Variants in TAMM41 observed in about 807,000 individuals in gnomAD.
TAMM41 encodes the protein TAM41 mitochondrial translocator assembly and maintenance homolog.
Under a neutral mutation model 44.1 loss-of-function variants are expected in TAMM41, and 36 were observed. The ratio of observed to expected loss-of-function variants is 0.82; its 90% confidence interval spans 0.63 to 1.08. The LOEUF (loss-of-function observed/expected upper bound fraction) is 1.08, where lower values mean the gene tolerates loss of function less well. TAMM41 is among the 50% of genes least tolerant of loss of function. The pLI is 0.00. For synonymous variants in TAMM41, 164 were observed against 153.1 expected (o/e 1.07, Z -0.53); for missense variants, 417 against 404.3 (o/e 1.03, Z -0.27).
intron 2 of TAMM41, among the ~76,000 whole-genome samples, chr3:11,841,836 T>G (rs1393059555): frequency 6.6e-6 from 1 of 152,208 alleles, no homozygotes; most frequent in Non-Finnish European, 1.5e-5. Flanking sequence ...GGGGACCTGT[T>G]GCAAACTAGC....
the TAMM41 span, among the ~76,000 whole-genome samples, chr3:11,765,230 C>T: frequency 6.6e-6 from 1 of 152,152 alleles, no homozygotes; most frequent in East Asian, 1.9e-4. Flanking sequence ...TGCTGGGTTC[C>T]AGGCTCTTAC....
chr3:11,817,081 T>G, intron 5 of TAMM41, 111 bp downstream of exon 5: 1 of 1,211,260 alleles, frequency 8.3e-7, no homozygotes, highest in Non-Finnish European at 1.1e-6. Context: ...AGTACTTACT[T>G]TTTAAACTAT....
rs2078902176 is a variant in TAMM41, at chr3:11,829,695, G to A, written c.562+19C>T. ...TAAATCTCTCCCTTGTAGAACATCT[G>A]GGCAGCAACCATACTAACCTGAATA... On this transcript the variant is annotated intron_variant, in intron 4 of 7. Transcript: ENST00000455809. The A allele has an allele frequency of 3.1e-6, 5 of 1,613,282 alleles. No homozygotes were observed. The highest frequency in any genetic ancestry group is 4.2e-6 in the Non-Finnish European group (5 of 1,179,378).
the TAMM41 span, among the ~76,000 whole-genome samples, chr3:11,752,533 T>G: frequency 6.6e-6 from 1 of 151,818 alleles, no homozygotes; most frequent in South Asian, 2.1e-4. Flanking sequence ...TTAGGGCATT[T>G]TACAATCCTC....
At chr3:11,773,680 T>C in the TAMM41 span, among the ~76,000 whole-genome samples, 2 of 152,260 alleles carry the variant, frequency 1.3e-5, no homozygotes, top group Non-Finnish European at 2.9e-5. Flanking sequence ...GTGATTTCAT[T>C]AATTTATAAC....
At chr3:11,749,610 T>C in the TAMM41 span, among the ~76,000 whole-genome samples, 35 of 152,336 alleles carry the variant, frequency 2.3e-4, 1 homozygote, top group East Asian at 6.7e-3. Flanking sequence ...TCAACACAAA[T>C]CAATTCCATA....
intron 4 of TAMM41, among the ~76,000 whole-genome samples, chr3:11,828,758 A>C (rs2078863771): frequency 6.6e-6 from 1 of 152,148 alleles, no homozygotes; most frequent in South Asian, 2.1e-4. Context: ...ATGGTAGATG[A>C]ATTTTGGGAA....
chr3:11,812,794 T>A (rs944636906), intron 5 of TAMM41, among the ~76,000 whole-genome samples: 1 of 152,148 alleles, frequency 6.6e-6, no homozygotes, highest in Non-Finnish European at 1.5e-5. Context: ...TGATGGTTAG[T>A]GGACAAGTGC....
intron 4 of TAMM41, among the ~76,000 whole-genome samples, chr3:11,818,001 T>C (rs1019483990): frequency 2.6e-5 from 4 of 152,176 alleles, no homozygotes; most frequent in South Asian, 2.1e-4. Flanking sequence ...AAATGAAAAG[T>C]GCCCTGCCAA....
intron 7 of TAMM41, among the ~76,000 whole-genome samples, chr3:11,797,661 T>C (rs1192312900): frequency 2.0e-5 from 3 of 151,978 alleles, no homozygotes; most frequent in Non-Finnish European, 4.4e-5. Context: ...ACTAAAGAGC[T>C]TCTGCGCAGC....
chr3:11,813,392 T>TC (rs2078151122), intron 5 of TAMM41, among the ~76,000 whole-genome samples: 1 of 152,038 alleles, frequency 6.6e-6, no homozygotes, highest in Non-Finnish European at 1.5e-5. Context: ...TAGCTGGGTG[T>TC]GATGGTGCAT....
At chr3:11,845,538 G>A (rs896330460) in intron 1 of TAMM41, among the ~76,000 whole-genome samples, 2 of 152,080 alleles carry the variant, frequency 1.3e-5, no homozygotes, top group African/African-American at 2.4e-5. Context: ...GAATAAACAT[G>A]TTTTTTAAAA....
chr3:11,841,541 T>G (rs1421540008), intron 2 of TAMM41, among the ~76,000 whole-genome samples: 7 of 152,278 alleles, frequency 4.6e-5, no homozygotes. Context: ...AGTTAAAAAT[T>G]ATCAATTAAA....
At position 11,844,194 on chromosome 3, in the gene TAMM41, A is replaced by G. The variant is rs746363578; in HGVS notation, c.153T>C (p.Phe51=). Residue 51 remains phenylalanine, a synonymous_variant, in exon 2 of 8, where the codon TTT becomes TTC. Transcript: ENST00000455809. ...CGACAGGGTCATCTACTGTGAACACAAAGTCCAGCATAGCATTCTGTGGAG... is the reference window on the plus strand; with the variant it reads ...CGACAGGGTCATCTACTGTGAACACGAAGTCCAGCATAGCATTCTGTGGAG... ...SSDQKNAMLD[F]VFTVDDPVAW... 17 of 1,614,046 alleles carry G rather than the reference A, an allele frequency of 1.1e-5. No homozygotes were observed. Among genetic ancestry groups the G allele is most frequent in the African/African-American group, 1.3e-5 (1 of 74,924 alleles).
downstream of TAMM41, among the ~76,000 whole-genome samples, chr3:11,788,878 A>T (rs180790581): frequency 2.3e-3 from 350 of 152,266 alleles, 1 homozygote; most frequent in Middle Eastern, 0.014. Context: ...TGGAGGTTGC[A>T]GTGAGCCAAG....
the TAMM41 span, among the ~76,000 whole-genome samples, chr3:11,740,401 T>A: frequency 6.6e-6 from 1 of 152,076 alleles, no homozygotes; most frequent in South Asian, 2.1e-4. Context: ...TTTGCCCCAA[T>A]GGAAACATCT....
chr3:11,842,233 CA>C (rs1355773038), intron 2 of TAMM41, among the ~76,000 whole-genome samples: 1 of 151,772 alleles, frequency 6.6e-6, no homozygotes, highest in Non-Finnish European at 1.5e-5. Flanking sequence ...ACTAAAAACA[CA>C]AAAAATTAGC....
In TAMM41 at chr3:11,829,849, C is replaced by A. The variant is rs142224904; in HGVS notation, c.427G>T (p.Val143Leu). 2.5e-6 allele frequency: 4 copies of A among 1,614,008 alleles called. No individual in the cohort carries two copies. The African/African-American group carries it at 4.0e-5, about 16-fold the overall frequency. Residue 143 changes from valine to leucine, a missense_variant, in exon 4 of 8, where the codon GTG becomes TTG. Val to Leu is a conservative substitution (Grantham distance 32). Coordinates refer to ENST00000455809, the MANE Select transcript of TAMM41 (RefSeq NM_001284401.2). The part of the protein sequence containing the change: ...RLQKPVKIIS[V>L]NEDVTLRSAL... Reference sequence around the variant, plus strand: ...GATCTAAGAGTGACATCCTCGTTCACTGAGATAATTTTCACCTGAAAGAAG... The same window carrying A: ...GATCTAAGAGTGACATCCTCGTTCAATGAGATAATTTTCACCTGAAAGAAG...
chr3:11,804,995 CCTTT>C (rs1191956245), intron 7 of TAMM41, among the ~76,000 whole-genome samples: 2 of 135,910 alleles, frequency 1.5e-5, no homozygotes, highest in Non-Finnish European at 3.1e-5. Flanking sequence ...CACGCCCAGC[CCTTT>C]TTTTTTTTTT....
Sources: gnomAD v4.1 joint callset for allele counts (sites outside exome capture counted in the v4.1 genomes callset) on GRCh38, gnomAD v4.1.1 for gene constraint, MANE v1.5 for transcripts, NCBI Gene and HGNC (gene_info 2026-07-23, HGNC 2026-07-21) for gene names.